Variants in TCHP observed in about 807,000 individuals in gnomAD.
The protein encoded by TCHP is trichoplein keratin filament-binding protein.
TCHP carries 81 observed loss-of-function variants against 88.7 expected under a neutral mutation model. The observed-to-expected ratio is 0.91, with a 90% CI of 0.76 to 1.10. TCHP has a LOEUF of 1.10. TCHP is among the 50% of genes least tolerant of loss of function. The pLI is 0.00. For missense variants in TCHP, 641 were observed against 632.1 expected, an observed-to-expected ratio of 1.01 and a Z score of -0.15; for synonymous variants, 232 against 232.5, an observed-to-expected ratio of 1.00 and a Z score of 0.02.
In TCHP at chr12:109,905,025, G is replaced by A; in HGVS notation, c.456+232G>A. 1.9e-6 allele frequency: 1 copy of A among 538,576 alleles called. No individual in the cohort carries two copies. The highest frequency in any genetic ancestry group is 3.2e-5 in the East Asian group (1 of 30,958). 33.4% of individuals were successfully genotyped at this position (538,576 alleles called of 1,614,324 possible). On this transcript the variant is annotated intron_variant, in intron 4 of 12. Transcript: ENST00000405876. This position sits in a 1 kb window ranked among gnomAD's most constrained non-coding sequence, Gnocchi z 4.0. ...TGCCTGGTCTGCCAGGTGCGGGCATGGAGATTAGACATGGTTTCTGCTCAT... is the reference window on the plus strand; with the variant it reads ...TGCCTGGTCTGCCAGGTGCGGGCATAGAGATTAGACATGGTTTCTGCTCAT...
At chr12:109,898,334 C>CGA (rs1565906053), upstream of TCHP, among the ~76,000 whole-genome samples, 1 of 152,184 alleles carries the variant, frequency 6.6e-6, no homozygotes, top group African/African-American at 2.4e-5. Flanking sequence ...CTCGGCCTCC[C>CGA]GAGTAGCTGG....
At chr12:109,915,190 G>A (rs551922242) in intron 11 of TCHP, 3 of 642,644 alleles carry the variant, frequency 4.7e-6, no homozygotes, top group Admixed American at 2.9e-5. Flanking sequence ...TAAGCGCCAC[G>A]CATACAGCCT....
At chr12:109,893,389 A>AG in the TCHP span, among the ~76,000 whole-genome samples, 13 of 152,008 alleles carry the variant, frequency 8.6e-5, no homozygotes, top group Non-Finnish European at 1.5e-4. Flanking sequence ...TCAAAAAAAA[A>AG]AAAAAAAAAT....
chr12:109,904,108 C>G lies in TCHP; in HGVS notation c.360C>G (p.His120Gln), dbSNP rs140383594. 2.1e-5 allele frequency: 34 copies of G among 1,587,426 alleles called. 1 individual carries two copies. The South Asian group carries it at 3.9e-4, about 18-fold the overall frequency. Residue 120 changes from histidine (H) to glutamine (Q), a missense_variant, in exon 3 of 13, where the codon CAC (histidine) becomes CAG (glutamine). Coordinates refer to ENST00000405876, the MANE Select transcript of TCHP (RefSeq NM_001143852.2). ...AGGAAAGAAGAATCCGGGAGCAGCA[C>G]GGGAAGCTGAAATCAGCCAAAGAAG... ...NLQERRIREQ[H>Q]GKLKSAKEEQ...
chr12:109,915,223 C>T (rs555382860), intron 11 of TCHP, 180 bp from the exon 12 acceptor site: 1 of 775,558 alleles, frequency 1.3e-6, no homozygotes, highest in Admixed American at 2.3e-5. Flanking sequence ...ATGAGGTACA[C>T]ACCATGCATA....
chr12:109,888,332 A>G, the TCHP span: 2 of 152,250 alleles, frequency 1.3e-5, no homozygotes, highest in African/African-American at 4.8e-5. Flanking sequence ...TACCAGGCAC[A>G]GAGGAGCCAC....
At chr12:109,913,644 G>A (rs1042131248) in intron 10 of TCHP, among the ~76,000 whole-genome samples, 6 of 152,206 alleles carry the variant, frequency 3.9e-5, no homozygotes, top group Admixed American at 6.5e-5. Context: ...TACACTGTGC[G>A]TGGAAGATAT....
In TCHP at chr12:109,908,689, C is replaced by T. The variant is rs1343185561; in HGVS notation, c.803C>T (p.Ala268Val). Residue 268 changes from alanine to valine, a missense_variant, in exon 7 of 13, where the codon GCA (alanine) becomes GTA (valine). Transcript: ENST00000405876. Reference sequence around the variant, plus strand: ...CAGATGGAAGCCTTCCGGCAGAAGGCAGAGCTGGGGTGTGTGTCAGAAGGG... The same window carrying T: ...CAGATGGAAGCCTTCCGGCAGAAGGTAGAGCTGGGGTGTGTGTCAGAAGGG... ...RKQMEAFRQK[A>V]ELGRFLRHQY... 1 of 1,594,042 alleles carries T rather than the reference C, an allele frequency of 6.3e-7. No homozygotes were observed. Among genetic ancestry groups the T allele is most frequent in the Non-Finnish European group, 8.5e-7 (1 of 1,171,648 alleles).
chr12:109,915,438 C>CCAG lies in TCHP; in HGVS notation c.1360_1362dup (p.Gln454dup). 6.2e-7 allele frequency: 1 copy of CCAG among 1,614,130 alleles called. No homozygotes were observed. Among genetic ancestry groups the CCAG allele is most frequent in the Non-Finnish European group, 8.5e-7 (1 of 1,180,026 alleles). On this transcript the variant is annotated inframe_insertion, in exon 12 of 13. Coordinates refer to ENST00000405876, the MANE Select transcript of TCHP (RefSeq NM_001143852.2). ...GCCGGCTGCAGGCATGGGAAGCAGACCAGCAGGAGGAGGAGGAAGAGGAGG... is the reference window on the plus strand; with the variant it reads ...GCCGGCTGCAGGCATGGGAAGCAGACCAGCAGCAGGAGGAGGAGGAAGAGGAGG...
At chr12:109,895,227 A>G in the TCHP span, among the ~76,000 whole-genome samples, 1 of 125,798 alleles carries the variant, frequency 7.9e-6, no homozygotes, top group Non-Finnish European at 1.6e-5. Context: ...TTTTTTTTTC[A>G]GAGACAGTGT....
upstream of TCHP, among the ~76,000 whole-genome samples, chr12:109,899,274 T>C (rs1869652257): frequency 6.6e-6 from 1 of 152,246 alleles, no homozygotes; most frequent in African/African-American, 2.4e-5. Context: ...ATGTAATACT[T>C]GTAGCACACG....
chr12:109,909,296 C>T (rs1379818111), intron 8 of TCHP, among the ~76,000 whole-genome samples: 1 of 152,200 alleles, frequency 6.6e-6, no homozygotes, highest in East Asian at 1.9e-4. Flanking sequence ...GGTATCAAAA[C>T]ATCAAATTAT....
rs1869703169 is a variant in TCHP at position 109,900,300 on chromosome 12, CAG to C, written c.-126_-125del. 6.6e-6 allele frequency: 1 copy of C among 152,170 alleles called. No individual in the cohort carries two copies. The highest frequency in any genetic ancestry group is 6.5e-5 in the Admixed American group (1 of 15,284). 9.4% of individuals were successfully genotyped at this position (152,170 alleles called of 1,614,324 possible). On this transcript the variant is annotated 5_prime_UTR_variant, in exon 1 of 13. Coordinates refer to ENST00000405876, the MANE Select transcript of TCHP (RefSeq NM_001143852.2). The stretch of plus-strand genomic sequence containing the variant: ...TCGTCGGGCTCGTTGCCGGTGCAAA[CAG>C]GGAGGAAACAGCCGGCGTTGCTGTA...
In TCHP at chr12:109,903,308, C is replaced by G; in HGVS notation, c.188+94C>G. The G allele has an allele frequency of 8.1e-7, 1 of 1,236,780 alleles. No individual in the cohort carries two copies. The highest frequency in any genetic ancestry group is 1.1e-6 in the Non-Finnish European group (1 of 893,588). The allele number at this position is 1,236,780 out of a possible 1,614,324, so 76.6% of individuals were successfully genotyped here. A position where few individuals can be genotyped will look rare whatever the true frequency, so the allele number is the denominator to read the frequency against. On this transcript the variant is annotated intron_variant, in intron 2 of 12. Transcript: ENST00000405876. The surrounding 1 kb of genome is among the most constrained non-coding windows in gnomAD (Gnocchi z 4.6). ...AGGATTTAGGGAGCGTAGGATTTGC[C>G]AGGCAGTATGAATTACCTGCATGGT...
chr12:109,894,130 A>G, the TCHP span, among the ~76,000 whole-genome samples: 13 of 151,976 alleles, frequency 8.6e-5, no homozygotes, highest in Non-Finnish European at 1.3e-4. Flanking sequence ...GGTTGCAGTG[A>G]GCCAAGATTA....
upstream of TCHP, among the ~76,000 whole-genome samples, chr12:109,899,831 C>T (rs140978618): frequency 1.3e-5 from 2 of 152,072 alleles, no homozygotes; most frequent in East Asian, 3.9e-4. Context: ...CAGTGTCTGG[C>T]TCTGTCACCC....
At chr12:109,906,747 G>A (rs57957298) in intron 5 of TCHP, 107 bp downstream of exon 5, 85,388 of 858,312 alleles carry the variant, frequency 0.099, 8,500 homozygotes, top group African/African-American at 0.44. Context: ...GTTAAGGAGT[G>A]TAGTGTACTC....
At position 109,911,146 on chromosome 12, in the gene TCHP, C is replaced by T. The variant is rs1301472189; in HGVS notation, c.963C>T (p.Val321=). 6.3e-7 allele frequency: 1 copy of T among 1,597,444 alleles called. No individual in the cohort carries two copies. The highest frequency in any genetic ancestry group is 2.3e-5 in the East Asian group (1 of 44,284). ...TCCACCTGGCCAGGCGGGAGCAGGT[C>T]ATGGCCGATGTGGCCTGGATGAAGC... ...QRLHLARREQ[V]MADVAWMKQA... The change falls in exon 9 of 13, where the codon GTC becomes GTT. Residue 321 remains valine (V), a synonymous_variant. Coordinates refer to ENST00000405876, the MANE Select transcript of TCHP (RefSeq NM_001143852.2).
chr12:109,915,611 C>G (rs1565914884), intron 12 of TCHP, 65 bp downstream of exon 12: 7 of 1,518,030 alleles, frequency 4.6e-6, no homozygotes, highest in Non-Finnish European at 6.2e-6. Context: ...CCCTGCTCCC[C>G]TGGGCCTGCT....
Sources: allele counts gnomAD v4.1 joint callset (sites outside exome capture counted in the v4.1 genomes callset), GRCh38; gene constraint gnomAD v4.1.1; non-coding constraint Gnocchi (gnomAD v3.1); transcripts MANE v1.5; gene names NCBI Gene and HGNC (gene_info 2026-07-23, HGNC 2026-07-21).